ANO3: variants seen among roughly 807,000 people sequenced by gnomAD.
ANO3 encodes anoctamin-3.
A neutral mutation model predicts 144.8 loss-of-function variants in ANO3; 99 were observed. The ratio of observed to expected loss-of-function variants is 0.68; its 90% CI spans 0.58 to 0.81. The LOEUF (loss-of-function observed/expected upper bound fraction) is 0.81, where lower values mean the gene tolerates loss of function less well. Ranked by LOEUF, ANO3 falls within the 30% of genes least tolerant of loss-of-function variation. The pLI is 0.00. For missense variants in ANO3, 905 were observed against 1,202.2 expected (o/e 0.75, Z 3.66); for synonymous variants, 414 against 392.6 (o/e 1.05, Z -0.64).
intron 23 of ANO3, among the ~76,000 whole-genome samples, chr11:26,645,246 C>A (rs1853307643): frequency 6.6e-6 from 1 of 151,992 alleles, no homozygotes; most frequent in East Asian, 1.9e-4. Flanking sequence ...AATGCTTAAT[C>A]AATTTTTCCA....
intron 1 of ANO3, among the ~76,000 whole-genome samples, chr11:26,214,268 CT>C (rs1851993558): frequency 6.6e-6 from 1 of 150,586 alleles, no homozygotes; most frequent in Admixed American, 6.6e-5. Flanking sequence ...TTTTTTTTTT[CT>C]GTTTTACTTT....
chr11:26,430,623 G>GA (rs1036523159), intron 1 of ANO3, among the ~76,000 whole-genome samples: 2 of 151,386 alleles, frequency 1.3e-5, no homozygotes, highest in African/African-American at 4.9e-5. Context: ...CAAGAAAGAA[G>GA]AAAAAAAGAA....
chr11:26,593,753 G>A (rs1469568133), intron 14 of ANO3, among the ~76,000 whole-genome samples: 2 of 152,148 alleles, frequency 1.3e-5, no homozygotes, highest in Non-Finnish European at 2.9e-5. Flanking sequence ...GTAGGCCGCA[G>A]TGGAAGCAAG....
At chr11:26,516,173 A>G (rs1318391599) in intron 5 of ANO3, among the ~76,000 whole-genome samples, 1 of 151,820 alleles carries the variant, frequency 6.6e-6, no homozygotes, top group East Asian at 1.9e-4. Flanking sequence ...ATTTTGTAAA[A>G]GCTCTTTACA....
At chr11:26,565,879 G>T (rs201956622) in intron 14 of ANO3, 48 of 1,567,128 alleles carry the variant, frequency 3.1e-5, no homozygotes, top group Middle Eastern at 1.8e-4. Flanking sequence ...TTTGGTATTG[G>T]TTTTTTTTTA....
chr11:26,622,337 G>A (rs1238868445), intron 17 of ANO3, among the ~76,000 whole-genome samples: 1 of 151,932 alleles, frequency 6.6e-6, no homozygotes, highest in African/African-American at 2.4e-5. Flanking sequence ...GGCTGGGCGT[G>A]GTGGCTCATG....
At chr11:26,282,320 T>G (rs1368677328) in intron 1 of ANO3, among the ~76,000 whole-genome samples, 2 of 151,894 alleles carry the variant, frequency 1.3e-5, no homozygotes, top group African/African-American at 4.8e-5. Context: ...GTTTTTTTTT[T>G]TGTAATAGAT....
chr11:26,446,913 T>A (rs1489679045), intron 3 of ANO3, among the ~76,000 whole-genome samples: 1 of 152,080 alleles, frequency 6.6e-6, no homozygotes, highest in Non-Finnish European at 1.5e-5. Context: ...TCTGTGATCA[T>A]CAAAAGTGAT....
exon 1 of ANO3, chr11:26,189,137 G>A: frequency 5.4e-6 from 5 of 927,708 alleles, no homozygotes; most frequent in Non-Finnish European, 6.4e-6. Flanking sequence ...GAATTCAATA[G>A]TGTGAACTTT....
chr11:26,483,898 A>G (rs369032843), intron 4 of ANO3, among the ~76,000 whole-genome samples: 15 of 152,304 alleles, frequency 9.8e-5, no homozygotes, highest in East Asian at 3.9e-4. Flanking sequence ...GATATCATCA[A>G]TGAAGTCTAA....
chr11:26,339,663 G>T (rs1323389835), intron 1 of ANO3, among the ~76,000 whole-genome samples: 3 of 152,120 alleles, frequency 2.0e-5, no homozygotes, highest in African/African-American at 7.2e-5. Context: ...TTCTGAACTT[G>T]ATCATGGGTA....
At chr11:26,614,635 G>C (rs956454329) in intron 17 of ANO3, among the ~76,000 whole-genome samples, 2 of 152,174 alleles carry the variant, frequency 1.3e-5, no homozygotes, top group Non-Finnish European at 2.9e-5. Flanking sequence ...TTTGAGGCCT[G>C]TGGGGATTAG....
chr11:26,342,206 C>A (rs1855380448), intron 1 of ANO3, among the ~76,000 whole-genome samples: 1 of 152,120 alleles, frequency 6.6e-6, no homozygotes, highest in African/African-American at 2.4e-5. Flanking sequence ...TGAGGATTAG[C>A]AACTCTGTAT....
intron 7 of ANO3, among the ~76,000 whole-genome samples, chr11:26,527,618 T>A (rs1455525295): frequency 6.6e-6 from 1 of 152,118 alleles, no homozygotes; most frequent in Admixed American, 6.6e-5. Context: ...TTTCTTGAAG[T>A]GGGAAAGGTA....
chr11:26,265,447 A>G (rs7104878), intron 1 of ANO3, among the ~76,000 whole-genome samples: 148,928 of 152,302 alleles, frequency 0.98, 72,903 homozygotes, highest in East Asian at 1. Context: ...AACCTAATAG[A>G]TTCTACATTA....
intron 23 of ANO3, among the ~76,000 whole-genome samples, chr11:26,643,777 A>G (rs1292079328): frequency 6.6e-6 from 1 of 151,852 alleles, no homozygotes; most frequent in East Asian, 1.9e-4. Flanking sequence ...TGGGATTAGG[A>G]CTCTTACAAA....
At chr11:26,292,427 C>A (rs1208154011) in intron 1 of ANO3, among the ~76,000 whole-genome samples, 1 of 152,156 alleles carries the variant, frequency 6.6e-6, no homozygotes, top group Non-Finnish European at 1.5e-5. Context: ...TCATCAAAGT[C>A]ATTCTCTATC....
intron 4 of ANO3, among the ~76,000 whole-genome samples, chr11:26,493,361 C>A (rs903648789): frequency 1.3e-5 from 2 of 152,058 alleles, no homozygotes; most frequent in Non-Finnish European, 2.9e-5. Flanking sequence ...TATACAGGGG[C>A]ATGCTGGAAA....
At position 26,463,163 on chromosome 11, in the gene ANO3, A is replaced by C; in HGVS notation, c.432+15A>C. ...AATTATCTAAGGTAATGAGAACTAA[A>C]TTATCAATAAGTCATTTTTAGAGCA... On this transcript the variant is annotated intron_variant, in intron 4 of 26. Transcript: ENST00000256737. 2 of 1,315,844 alleles carry C rather than the reference A, an allele frequency of 1.5e-6. No homozygotes were observed. The highest frequency in any genetic ancestry group is 1.3e-5 in the South Asian group (1 of 76,722). The allele number at this position is 1,315,844 out of a possible 1,614,324, so 81.5% of individuals were successfully genotyped here.
Sources: allele counts gnomAD v4.1 joint callset (sites outside exome capture counted in the v4.1 genomes callset), GRCh38; gene constraint gnomAD v4.1.1; transcripts MANE v1.5; gene names NCBI Gene and HGNC (gene_info 2026-07-23, HGNC 2026-07-21).